The following GUCY2C variants were observed in gnomAD, a reference collection of about 807,000 sequenced individuals.
The protein encoded by GUCY2C is guanylate cyclase 2C, also known as guanylyl cyclase C.
Under a neutral mutation model 131.1 loss-of-function variants are expected in GUCY2C, and 118 were observed. The ratio of observed to expected loss-of-function variants is 0.90; its 90% confidence interval spans 0.78 to 1.05. GUCY2C has a LOEUF of 1.05. GUCY2C is among the 50% of genes least tolerant of loss of function. GUCY2C has a pLI of 0.00. For synonymous variants in GUCY2C, 452 were observed against 457.8 expected (o/e 0.99, Z 0.16); for missense variants, 1,161 against 1,304.4 (o/e 0.89, Z 1.69).
At position 14,651,434 on chromosome 12, in the gene GUCY2C, T is replaced by C; in HGVS notation, c.1683A>G (p.Ile561Met). ...GGAGGGATCCTCTCTCACAGTATTC[T>C]ATCACCCCGAAGATCATGGTATCAA... ...VKLDTMIFGV[I>M]EYCERGSLRE... The change falls in exon 15 of 27, where the codon ATA (isoleucine) becomes ATG (methionine). Residue 561 changes from isoleucine to methionine, a missense_variant. Coordinates refer to ENST00000261170, the MANE Select transcript of GUCY2C (RefSeq NM_004963.4). 6.3e-7 allele frequency: 1 copy of C among 1,593,752 alleles called. No homozygotes were observed. Among genetic ancestry groups the C allele is most frequent in the Non-Finnish European group, 8.6e-7 (1 of 1,161,452 alleles).
Position 14,661,211 on chromosome 12 carries a change from C to A in GUCY2C, c.1283-149G>T, listed in dbSNP as rs1947860755. ...TTAATTTCTCTCTGGTAATATAAGT[C>A]CTGTGTCCCTACTCTCTGACAGCCT... On this transcript the variant is annotated intron_variant, in intron 10 of 26. Coordinates refer to ENST00000261170, the MANE Select transcript of GUCY2C (RefSeq NM_004963.4). 17 of 606,424 alleles carry A rather than the reference C, an allele frequency of 2.8e-5. No homozygotes were observed. In the South Asian group the frequency reaches 3.5e-4, roughly 13 times the overall value. 37.6% of individuals were successfully genotyped at this position (606,424 alleles called of 1,614,324 possible).
intron 21 of GUCY2C, among the ~76,000 whole-genome samples, chr12:14,623,784 C>A (rs938474708): frequency 1.7e-4 from 26 of 152,170 alleles, no homozygotes; most frequent in African/African-American, 6.3e-4. Flanking sequence ...GTGGCACCTC[C>A]CCCTTTGCTC....
At chr12:14,691,550 T>C (rs899059323) in intron 1 of GUCY2C, among the ~76,000 whole-genome samples, 2 of 152,002 alleles carry the variant, frequency 1.3e-5, no homozygotes, top group African/African-American at 4.8e-5. Flanking sequence ...AGTCAGAAAG[T>C]GACGTGGAGG....
chr12:14,635,396 T>C (rs1019222747), intron 19 of GUCY2C, among the ~76,000 whole-genome samples: 6 of 152,042 alleles, frequency 3.9e-5, no homozygotes, highest in Non-Finnish European at 8.8e-5. Flanking sequence ...GGAGAAATTA[T>C]AAAAAATTAA....
At chr12:14,617,924 C>T (rs970438703) in intron 24 of GUCY2C, among the ~76,000 whole-genome samples, 35 of 152,184 alleles carry the variant, frequency 2.3e-4, no homozygotes, top group Non-Finnish European at 4.0e-4. Flanking sequence ...TAACCCAAGT[C>T]TGTCTGACCC....
chr12:14,644,231 C>A (rs1021716658), intron 16 of GUCY2C, among the ~76,000 whole-genome samples: 1 of 152,156 alleles, frequency 6.6e-6, no homozygotes, highest in Non-Finnish European at 1.5e-5. Flanking sequence ...TGCCTGTAAT[C>A]CCAGCACTTT....
intron 19 of GUCY2C, among the ~76,000 whole-genome samples, chr12:14,629,476 C>A (rs1947097449): frequency 6.6e-6 from 1 of 152,148 alleles, no homozygotes. Context: ...TCACGTATGT[C>A]TTTAAATGAA....
At chr12:14,671,313 T>G (rs2137071536) in intron 9 of GUCY2C, among the ~76,000 whole-genome samples, 1 of 152,284 alleles carries the variant, frequency 6.6e-6, no homozygotes, top group South Asian at 2.1e-4. Flanking sequence ...AATTTTTGTA[T>G]TTTTAGTAGA....
intron 1 of GUCY2C, among the ~76,000 whole-genome samples, chr12:14,688,434 C>T (rs1204529715): frequency 2.6e-5 from 4 of 152,156 alleles, no homozygotes. Flanking sequence ...TTCATCTTTT[C>T]ACAACCCTAG....
intron 9 of GUCY2C, among the ~76,000 whole-genome samples, chr12:14,671,053 T>G (rs1357554657): frequency 6.6e-6 from 1 of 151,730 alleles, no homozygotes; most frequent in Non-Finnish European, 1.5e-5. Flanking sequence ...CGTGATTCAA[T>G]TACCTCCCCT....
chr12:14,681,344 A>T lies in GUCY2C; in HGVS notation c.733+12T>A, dbSNP rs1431519502. ...AAGTTAGCAAAAAACAATTATCTTC[A>T]TGTCTTCTTACCATTGCTTTTCCTG... On this transcript the variant is annotated intron_variant, in intron 5 of 26. Coordinates refer to ENST00000261170, the MANE Select transcript of GUCY2C (RefSeq NM_004963.4). The T allele has an allele frequency of 6.2e-7, 1 of 1,611,356 alleles. No individual in the cohort carries two copies.
chr12:14,661,630 G>A (rs1329923681), intron 10 of GUCY2C, among the ~76,000 whole-genome samples: 2 of 152,090 alleles, frequency 1.3e-5, no homozygotes, highest in East Asian at 3.9e-4. Context: ...GTAGAAATGG[G>A]GTTTCGCCAT....
chr12:14,635,710 A>G (rs1259028811), intron 19 of GUCY2C, among the ~76,000 whole-genome samples: 1 of 152,156 alleles, frequency 6.6e-6, no homozygotes, highest in African/African-American at 2.4e-5. Context: ...ACCATTAGCT[A>G]GACTAACCAA....
rs545749978 is a variant in GUCY2C, at chr12:14,628,405, A to G, written c.2249+241T>C. On this transcript the variant is annotated intron_variant, in intron 20 of 26. Coordinates refer to ENST00000261170, the MANE Select transcript of GUCY2C (RefSeq NM_004963.4). The stretch of plus-strand genomic sequence containing the variant: ...TTAACAGACAAATTTATAATCAGCT[A>G]AAGTTTGTTTTTTAATCAGAAAAGT... 8.3e-4 allele frequency among the ~76,000 whole-genome samples: 127 copies of G among 152,300 alleles called. 1 individual carries two copies. The highest frequency in any genetic ancestry group is 7.5e-3 in the South Asian group (36 of 4,832).
chr12:14,653,807 A>G (rs1456661775), intron 12 of GUCY2C, among the ~76,000 whole-genome samples: 1 of 152,246 alleles, frequency 6.6e-6, no homozygotes, highest in East Asian at 1.9e-4. Flanking sequence ...AGGTCCAAGC[A>G]TGATGCCTGG....
chr12:14,672,106 G>C (rs1163338030), intron 9 of GUCY2C, among the ~76,000 whole-genome samples: 4 of 151,992 alleles, frequency 2.6e-5, no homozygotes, highest in African/African-American at 9.7e-5. Context: ...TAAATTTTAT[G>C]TTATGTCAGG....
chr12:14,612,685 A>C lies in GUCY2C; in HGVS notation c.*432T>G. On this transcript the variant is annotated 3_prime_UTR_variant, in exon 27 of 27. Transcript: ENST00000261170. Reference sequence around the variant, plus strand: ...GCCTAATATATAGCATATTTTCTGCAAAAATTATGAGTTAAATATACTTTA... The same window carrying C: ...GCCTAATATATAGCATATTTTCTGCCAAAATTATGAGTTAAATATACTTTA... 1 of 155,372 alleles carries C rather than the reference A, an allele frequency of 6.4e-6. No homozygotes were observed. 9.6% of individuals were successfully genotyped at this position (155,372 alleles called of 1,614,324 possible).
intron 8 of GUCY2C, 71 bp downstream of exon 8, chr12:14,674,554 G>T: frequency 7.1e-7 from 1 of 1,407,244 alleles, no homozygotes; most frequent in Non-Finnish European, 1.0e-6. Context: ...AACCTTCTTT[G>T]TTGCCCCAAA....
intron 24 of GUCY2C, 107 bp downstream of exon 24, chr12:14,619,104 C>T (rs933515559): frequency 7.8e-6 from 5 of 640,598 alleles, no homozygotes; most frequent in East Asian, 2.6e-5. Context: ...AATTATTCTA[C>T]ATCTCACTGG....
Sources: allele counts gnomAD v4.1 joint callset (sites outside exome capture counted in the v4.1 genomes callset), GRCh38; gene constraint gnomAD v4.1.1; transcripts MANE v1.5; gene names NCBI Gene and HGNC (gene_info 2026-07-23, HGNC 2026-07-21).